The following PCDHGB2 variants were observed in gnomAD, a reference collection of about 807,000 sequenced individuals.
PCDHGB2 encodes the protein protocadherin gamma subfamily B, 2, also known as protocadherin gamma-B2.
PCDHGB2 carries 55 observed loss-of-function variants against 59.3 expected under a neutral mutation model. That is an observed-to-expected ratio of 0.93 (90% CI 0.75 to 1.16). The LOEUF (loss-of-function observed/expected upper bound fraction) is 1.16. Ranked by LOEUF, PCDHGB2 falls within the 50% of genes most tolerant of loss-of-function variation. The pLI, the probability that PCDHGB2 is intolerant of heterozygous loss-of-function variation, is 0.00. For missense variants in PCDHGB2, 1,228 were observed against 1,198.5 expected (o/e 1.02, Z -0.36); for synonymous variants, 516 against 512.0 (o/e 1.01, Z -0.11).
At chr5:141,380,525 A>T (rs904711647) in intron 1 of PCDHGB2, among the ~76,000 whole-genome samples, 3 of 152,206 alleles carry the variant, frequency 2.0e-5, no homozygotes, top group Non-Finnish European at 1.5e-5. Context: ...CTATGAAATG[A>T]TTTCAATTTG....
chr5:141,415,740 G>GTTTTTTTTT (rs57426385), intron 1 of PCDHGB2: 68 of 625,028 alleles, frequency 1.1e-4, no homozygotes, highest in African/African-American at 1.3e-4. Context: ...GTTTATTAAG[G>GTTTTTTTTT]TTTTTTTTTT....
At chr5:141,383,378 C>G (rs753458256) in intron 1 of PCDHGB2, 1 of 1,614,002 alleles carries the variant, frequency 6.2e-7, no homozygotes, top group Non-Finnish European at 8.5e-7. Context: ...GCTGGGGATC[C>G]AGATGTGGGC....
intron 1 of PCDHGB2, chr5:141,377,439 GA>G (rs1279056265): frequency 3.3e-5 from 5 of 151,486 alleles, no homozygotes; most frequent in Non-Finnish European, 2.9e-5. Flanking sequence ...CTACCAAAAA[GA>G]AAAAAAAGTA....
intron 1 of PCDHGB2, chr5:141,391,782 T>C (rs2092421963): frequency 6.6e-6 from 1 of 152,222 alleles, no homozygotes; most frequent in African/African-American, 2.4e-5. Flanking sequence ...GTCATTACTT[T>C]TTGCAGTTTT....
intron 1 of PCDHGB2, among the ~76,000 whole-genome samples, chr5:141,479,050 C>T (rs1484021560): frequency 6.6e-6 from 1 of 152,164 alleles, no homozygotes; most frequent in African/African-American, 2.4e-5. Context: ...ACCTCATTCT[C>T]AGATAATTTT....
chr5:141,413,319 C>T, intron 1 of PCDHGB2: 1 of 1,613,960 alleles, frequency 6.2e-7, no homozygotes, highest in South Asian at 1.1e-5. Context: ...AAGGCTCTTT[C>T]GTGGGCAACA....
chr5:141,495,547 C>G (rs2099762038), intron 2 of PCDHGB2, among the ~76,000 whole-genome samples: 1 of 152,228 alleles, frequency 6.6e-6, no homozygotes, highest in South Asian at 2.1e-4. Flanking sequence ...CAGTCTCTAT[C>G]TCGCTTTGCA....
intron 1 of PCDHGB2, chr5:141,383,918 T>C: frequency 6.2e-7 from 1 of 1,613,948 alleles, no homozygotes. Flanking sequence ...GTTTTAGATG[T>C]AAATGATAAT....
At chr5:141,460,991 A>G (rs889917939) in intron 1 of PCDHGB2, among the ~76,000 whole-genome samples, 39 of 141,522 alleles carry the variant, frequency 2.8e-4, no homozygotes, top group East Asian at 1.0e-3. Flanking sequence ...GTGTATATAT[A>G]TATATGTGTA....
Position 141,495,452 on chromosome 5 carries a change from CTCTG to C in PCDHGB2, c.2480+593_2480+596del, listed in dbSNP as rs550877100. ...GTCCTCTGCCCCTACTTGTCCTGCTCTCTGTCTGTGGGGTCTCCGTGTCTCTGCC... is the reference window on the plus strand; with the variant it reads ...GTCCTCTGCCCCTACTTGTCCTGCTCTCTGTGGGGTCTCCGTGTCTCTGCC... On this transcript the variant is annotated intron_variant, in intron 2 of 3. Coordinates refer to ENST00000522605, the MANE Select transcript of PCDHGB2 (RefSeq NM_018923.3). 5.6e-4 allele frequency among the ~76,000 whole-genome samples: 85 copies of C among 152,356 alleles called. 1 individual carries two copies. Among genetic ancestry groups the C allele is most frequent in the Admixed American group, 3.5e-3 (53 of 15,310 alleles).
chr5:141,454,880 T>C (rs1561957456), intron 1 of PCDHGB2, among the ~76,000 whole-genome samples: 1 of 137,862 alleles, frequency 7.3e-6, no homozygotes, highest in Non-Finnish European at 1.5e-5. Flanking sequence ...CGATCTTGGC[T>C]CACTGCTAGC....
intron 1 of PCDHGB2, among the ~76,000 whole-genome samples, chr5:141,435,314 G>C (rs1490871069): frequency 6.6e-6 from 1 of 152,006 alleles, no homozygotes; most frequent in African/African-American, 2.4e-5. Flanking sequence ...AATCATTCAT[G>C]AACTTCCAAA....
intron 1 of PCDHGB2, chr5:141,375,358 G>T: frequency 6.2e-7 from 1 of 1,613,810 alleles, no homozygotes; most frequent in Non-Finnish European, 8.5e-7. Flanking sequence ...TGACAGCCAC[G>T]GACAAAGGAA....
In PCDHGB2 at chr5:141,486,092, C is replaced by A; in HGVS notation, c.2422-8715C>A. Reference sequence around the variant, plus strand: ...TACTGGAAAGCTTACTCTTTTGGGGCCCCTAGACTTTGAGAGTGAGAATTA... The same window carrying A: ...TACTGGAAAGCTTACTCTTTTGGGGACCCTAGACTTTGAGAGTGAGAATTA... On this transcript the variant is annotated intron_variant, in intron 1 of 3. Coordinates refer to ENST00000522605, the MANE Select transcript of PCDHGB2 (RefSeq NM_018923.3). The surrounding 1 kb of genome is among the most constrained non-coding windows in gnomAD (Gnocchi z 5.0). 1.9e-6 allele frequency: 3 copies of A among 1,614,148 alleles called. No individual in the cohort carries two copies. Among genetic ancestry groups the A allele is most frequent in the Non-Finnish European group, 2.5e-6 (3 of 1,180,008 alleles).
intron 1 of PCDHGB2, chr5:141,388,909 C>A: frequency 1.2e-6 from 2 of 1,613,902 alleles, no homozygotes; most frequent in South Asian, 1.1e-5. Context: ...AATGACAACG[C>A]CCCAGAAGTG....
chr5:141,458,698 T>C (rs1258294275), intron 1 of PCDHGB2, among the ~76,000 whole-genome samples: 1 of 152,054 alleles, frequency 6.6e-6, no homozygotes, highest in East Asian at 1.9e-4. Context: ...GCCTCCCGAG[T>C]AGCTGGGATT....
chr5:141,377,605 C>CAAAAAA (rs71576112), intron 1 of PCDHGB2: 1 of 140,678 alleles, frequency 7.1e-6, no homozygotes. Flanking sequence ...CTCTCTCTCT[C>CAAAAAA]AAAAAAAAAA....
chr5:141,386,913 A>T lies in PCDHGB2; in HGVS notation c.2421+24357A>T, dbSNP rs575520734. On this transcript the variant is annotated intron_variant, in intron 1 of 3. Coordinates refer to ENST00000522605, the MANE Select transcript of PCDHGB2 (RefSeq NM_018923.3). ...TCCTTCAATTCAGAGGTCACCAAGG[A>T]ATGTAAAATAAGTGCAGAGGTAGGA... Among the ~76,000 whole-genome samples the T allele has an allele frequency of 1.0e-3, 156 of 152,358 alleles. 1 individual carries two copies. The Middle Eastern group carries it at 0.017, about 17-fold the overall frequency.
intron 1 of PCDHGB2, chr5:141,392,696 T>A: frequency 8.2e-7 from 1 of 1,212,692 alleles, no homozygotes. Flanking sequence ...ACCCGACCCC[T>A]GTTTGGAGGC....
Sources: allele counts gnomAD v4.1 joint callset (sites outside exome capture counted in the v4.1 genomes callset), GRCh38; gene constraint gnomAD v4.1.1; non-coding constraint Gnocchi (gnomAD v3.1); transcripts MANE v1.5; gene names NCBI Gene and HGNC (gene_info 2026-07-23, HGNC 2026-07-21).